ODAD2: variants seen among roughly 807,000 people sequenced by gnomAD.
ODAD2 encodes outer dynein arm-docking complex subunit 2.
In ODAD2, 89 loss-of-function variants were observed where a neutral mutation model predicts 106.8. That is an observed-to-expected ratio of 0.83 (90% confidence interval 0.70 to 0.99). The LOEUF is 0.99. Ranked by LOEUF, ODAD2 falls within the 50% of genes least tolerant of loss-of-function variation. ODAD2 has a pLI of 0.00. For missense variants in ODAD2, 1,168 were observed against 1,238.5 expected (o/e 0.94, Z 0.85); for synonymous variants, 404 against 436.2 (o/e 0.93, Z 0.92).
At chr10:27,884,337 G>C (rs17683682) in intron 17 of ODAD2, among the ~76,000 whole-genome samples, 32,497 of 151,972 alleles carry the variant, frequency 0.21, 3,971 homozygotes, top group Middle Eastern at 0.3. Flanking sequence ...TAAAAGCTTT[G>C]AAAATCAGCT....
At chr10:27,850,444 C>CAAA (rs10713871) in intron 19 of ODAD2, among the ~76,000 whole-genome samples, 75 of 89,452 alleles carry the variant, frequency 8.4e-4, no homozygotes, top group African/African-American at 1.9e-3. Flanking sequence ...GACTCCGTCT[C>CAAA]AAAAAAAAAA....
chr10:27,867,064 A>G (rs1355416418), intron 17 of ODAD2, among the ~76,000 whole-genome samples: 2 of 152,162 alleles, frequency 1.3e-5, no homozygotes, highest in African/African-American at 4.8e-5. Flanking sequence ...CTATGAAAAC[A>G]GTGCAGATAG....
At chr10:27,848,566 A>C (rs1344045638) in intron 19 of ODAD2, among the ~76,000 whole-genome samples, 2 of 152,242 alleles carry the variant, frequency 1.3e-5, no homozygotes, top group Non-Finnish European at 2.9e-5. Context: ...AATGGGATCT[A>C]ATTAAACTAA....
chr10:27,889,966 T>C (rs763171170), intron 17 of ODAD2, among the ~76,000 whole-genome samples: 4 of 152,168 alleles, frequency 2.6e-5, no homozygotes, highest in Admixed American at 2.6e-4. Context: ...AGAGAGTATA[T>C]GGACTTGAGG....
At chr10:27,988,374 GT>G (rs1454646210) in intron 2 of ODAD2, among the ~76,000 whole-genome samples, 9 of 134,456 alleles carry the variant, frequency 6.7e-5, no homozygotes, top group Non-Finnish European at 9.3e-5. Flanking sequence ...GTATCCCTCT[GT>G]CACCGGGATT....
At chr10:27,914,099 A>G (rs1022199139) in intron 16 of ODAD2, among the ~76,000 whole-genome samples, 7 of 152,176 alleles carry the variant, frequency 4.6e-5, no homozygotes, top group African/African-American at 1.7e-4. Context: ...CATCAATGGT[A>G]GACTGGATAA....
intron 17 of ODAD2, among the ~76,000 whole-genome samples, chr10:27,869,835 G>A (rs1159317404): frequency 1.3e-5 from 2 of 151,892 alleles, no homozygotes; most frequent in East Asian, 1.9e-4. Flanking sequence ...ATGCCTGGCC[G>A]ACCAAGTCAC....
intron 17 of ODAD2, among the ~76,000 whole-genome samples, chr10:27,873,909 C>T (rs148971171): frequency 0.043 from 6,512 of 152,116 alleles, 200 homozygotes; most frequent in East Asian, 0.13. Flanking sequence ...CCTGGATATC[C>T]TTGTTAACTT....
intron 10 of ODAD2, among the ~76,000 whole-genome samples, chr10:27,945,412 G>A (rs967951259): frequency 3.9e-5 from 6 of 152,194 alleles, no homozygotes; most frequent in Non-Finnish European, 7.3e-5. Flanking sequence ...AAGCAGCACC[G>A]CAATCCATAC....
chr10:27,947,820 G>C (rs1041333559), intron 10 of ODAD2, among the ~76,000 whole-genome samples: 1 of 152,158 alleles, frequency 6.6e-6, no homozygotes, highest in Non-Finnish European at 1.5e-5. Flanking sequence ...CCAGGTCTAC[G>C]CAGTGAAGAA....
At chr10:27,864,901 T>C (rs370652115) in intron 17 of ODAD2, among the ~76,000 whole-genome samples, 1 of 152,164 alleles carries the variant, frequency 6.6e-6, no homozygotes, top group East Asian at 1.9e-4. Flanking sequence ...AAATGGGTAT[T>C]ATTTCCATTT....
intron 10 of ODAD2, 99 bp from the exon 11 acceptor site, chr10:27,945,061 G>A: frequency 7.2e-7 from 1 of 1,389,132 alleles, no homozygotes. Flanking sequence ...ACATGTCTCT[G>A]AGTGGGCTAG....
chr10:27,953,854 C>G (rs949775718), intron 10 of ODAD2, among the ~76,000 whole-genome samples: 1 of 151,976 alleles, frequency 6.6e-6, no homozygotes. Flanking sequence ...GTAAGGGAAA[C>G]GGGAAGAATA....
At chr10:27,974,331 G>A (rs1296736643) in intron 7 of ODAD2, among the ~76,000 whole-genome samples, 1 of 152,024 alleles carries the variant, frequency 6.6e-6, no homozygotes, top group East Asian at 1.9e-4. Context: ...GTATTGCCTA[G>A]GTTGTCTTCC....
At chr10:27,924,288 T>C (rs574023308) in intron 16 of ODAD2, among the ~76,000 whole-genome samples, 83 of 151,236 alleles carry the variant, frequency 5.5e-4, no homozygotes, top group South Asian at 1.5e-3. Flanking sequence ...ATTAAGCAAC[T>C]GGGCTAACAG....
At chr10:27,930,287 T>C (rs966827919) in intron 16 of ODAD2, among the ~76,000 whole-genome samples, 3 of 152,176 alleles carry the variant, frequency 2.0e-5, no homozygotes, top group Admixed American at 6.5e-5. Context: ...CTCACACCTA[T>C]AATCCTAAGC....
rs1365788635 is a variant in ODAD2 at position 27,985,128 on chromosome 10, T to G, written c.466A>C (p.Lys156Gln). The change falls in exon 4 of 20, where the codon AAA becomes CAA. Residue 156 changes from lysine (K) to glutamine (Q), a missense_variant. By Grantham distance (53) the Lys-to-Gln change is moderately conservative. This residue lies in a region of ODAD2 where 430 missense variants were observed against 452.2 expected (regional missense o/e 0.95). Transcript: ENST00000305242. ...TCAGGATCATCATCTCTGGTAATTTTGCCAAGAATATTTAATGCAATTGAG... is the reference window on the plus strand; with the variant it reads ...TCAGGATCATCATCTCTGGTAATTTGGCCAAGAATATTTAATGCAATTGAG... ...ENSIALNILGKITRDDDPESE... is the reference protein window; with the variant it reads ...ENSIALNILGQITRDDDPESE... 1 of 1,599,700 alleles carries G rather than the reference T, an allele frequency of 6.3e-7. No individual in the cohort carries two copies. Among genetic ancestry groups the G allele is most frequent in the Non-Finnish European group, 8.5e-7 (1 of 1,172,322 alleles).
At chr10:27,949,908 G>A (rs1321743594) in intron 10 of ODAD2, among the ~76,000 whole-genome samples, 1 of 152,118 alleles carries the variant, frequency 6.6e-6, no homozygotes, top group Non-Finnish European at 1.5e-5. Flanking sequence ...TGCTACAAGT[G>A]TAGATGAAAC....
intron 2 of ODAD2, among the ~76,000 whole-genome samples, chr10:27,988,238 T>C (rs1850001191): frequency 6.6e-6 from 1 of 152,042 alleles, no homozygotes; most frequent in Admixed American, 6.6e-5. Flanking sequence ...GATATTTCTA[T>C]AGATTTCTAC....
Sources: allele counts gnomAD v4.1 joint callset (sites outside exome capture counted in the v4.1 genomes callset), GRCh38; gene constraint gnomAD v4.1.1; regional missense constraint gnomAD v4.1.1; transcripts MANE v1.5; gene names NCBI Gene and HGNC (gene_info 2026-07-23, HGNC 2026-07-21).